The following ZNF268 variants were observed in gnomAD, a reference collection of about 807,000 sequenced individuals.
ZNF268 encodes zinc finger protein 268, also known as zinc finger protein 3.
In ZNF268, 20 loss-of-function variants were observed where a neutral mutation model predicts 29.3. That is an observed-to-expected ratio of 0.68 (90% CI 0.48 to 0.99). ZNF268 has a LOEUF of 0.99. ZNF268 is among the 50% of genes least tolerant of loss of function. The pLI, the probability that ZNF268 is intolerant of heterozygous loss-of-function variation, is 0.00. For missense variants in ZNF268, 1,240 were observed against 1,121.6 expected (o/e 1.11, Z -1.51); for synonymous variants, 429 against 376.9 (o/e 1.14, Z -1.60).
intron 3 of ZNF268, among the ~76,000 whole-genome samples, chr12:133,190,882 A>G (rs1234843972): frequency 1.3e-5 from 2 of 151,900 alleles, no homozygotes; most frequent in African/African-American, 4.8e-5. Flanking sequence ...ATTTATGTTT[A>G]TATTCCTGGA....
rs1555305667 is a variant in ZNF268, at chr12:133,212,518, T to TAGAC, written c.*7989_*7990insGACA. The TAGAC allele has an allele frequency of 3.0e-4, 42 of 138,144 alleles. 1 individual carries two copies. The highest frequency in any genetic ancestry group is 5.3e-4 in the Non-Finnish European group (34 of 64,402). The allele number at this position is 138,144 out of a possible 1,614,324, so 8.6% of individuals were successfully genotyped here. A position where few individuals can be genotyped will look rare whatever the true frequency, so the allele number is the denominator to read the frequency against. On this transcript the variant is annotated 3_prime_UTR_variant, in exon 6 of 6. Transcript: ENST00000536435. ...ATATATGTATATATACACACACACA[T>TAGAC]ACACACATATATACACATATATATA...
rs1367494988 is a variant in ZNF268, at chr12:133,210,712, C to A, written c.*6182C>A. 2.5e-6 allele frequency: 1 copy of A among 400,392 alleles called. No homozygotes were observed. The highest frequency in any genetic ancestry group is 5.1e-6 in the Non-Finnish European group (1 of 196,112). The allele number at this position is 400,392 out of a possible 1,614,324, so 24.8% of individuals were successfully genotyped here. On this transcript the variant is annotated 3_prime_UTR_variant, in exon 6 of 6. Coordinates refer to ENST00000536435, the MANE Select transcript of ZNF268 (RefSeq NM_003415.3). ...CTGTGGATTCCCCCCTGCCAAGGGT[C>A]CCCAGGTCAGTCCTGAGGAGAAGGC... is the stretch of plus-strand genomic sequence containing the variant.
At chr12:133,188,150 C>G in intron 3 of ZNF268, 78 bp downstream of exon 3, 6 of 1,325,978 alleles carry the variant, frequency 4.5e-6, no homozygotes, top group Non-Finnish European at 6.2e-6. Context: ...GATGGAGATC[C>G]TTAGGTCAGA....
intron 2 of ZNF268, among the ~76,000 whole-genome samples, chr12:133,186,324 T>G (rs1008197274): frequency 1.3e-5 from 2 of 152,090 alleles, no homozygotes; most frequent in African/African-American, 4.8e-5. Flanking sequence ...GCGGGTAGAC[T>G]GTGCCCAGTG....
intron 2 of ZNF268, among the ~76,000 whole-genome samples, chr12:133,185,224 T>C (rs1170262600): frequency 6.6e-6 from 1 of 151,608 alleles, no homozygotes; most frequent in Non-Finnish European, 1.5e-5. Context: ...GTGGCTACTT[T>C]AGCTTGGGTG....
chr12:133,192,239 C>T (rs1956494331), intron 5 of ZNF268, among the ~76,000 whole-genome samples: 1 of 151,636 alleles, frequency 6.6e-6, no homozygotes. Flanking sequence ...TCCTGAGTAG[C>T]TGGGGTTACA....
At position 133,204,133 on chromosome 12, in the gene ZNF268, C is replaced by T. The variant is rs779235314; in HGVS notation, c.2447C>T (p.Ala816Val). 1.3e-6 allele frequency: 2 copies of T among 1,543,942 alleles called. No individual in the cohort carries two copies. Among genetic ancestry groups the T allele is most frequent in the Middle Eastern group, 1.7e-4 (1 of 5,994 alleles). Residue 816 changes from alanine to valine, a missense_variant, in exon 6 of 6, where the codon GCC becomes GTC. By Grantham distance (64) the Ala-to-Val change is moderately conservative. This residue lies in a region of ZNF268 where 1,177 missense variants were observed against 1,039.6 expected (regional missense o/e 1.13). Coordinates refer to ENST00000536435, the MANE Select transcript of ZNF268 (RefSeq NM_003415.3). ...TATGAATGTAATGAATGTGGGAAAG[C>T]CTTCATTTGGAAATCACTACTCATT... ...KPYECNECGK[A>V]FIWKSLLIVH...
In ZNF268 at chr12:133,187,884, C is replaced by T; in HGVS notation, c.46C>T (p.Gln16Ter). Residue 16 changes from glutamine to a stop codon, truncating the protein, a stop_gained, in exon 3 of 6, where the codon CAA becomes TAA. Transcript: ENST00000536435. LOFTEE classifies it high-confidence loss of function. ...CTTGAGTCCACAGGTCCCACCTCTC[C>T]AAGAACGAAACAGTTCATGGGATAG... ...RTASIWVPPL[Q>*]ERNSSWDRIR... is the part of the protein sequence containing the mutation. 6.3e-7 allele frequency: 1 copy of T among 1,594,300 alleles called. No homozygotes were observed. Among genetic ancestry groups the T allele is most frequent in the Non-Finnish European group, 8.5e-7 (1 of 1,170,032 alleles).
At chr12:133,187,842 G>C in intron 2 of ZNF268, 30 bp from the exon 3 acceptor site, 1 of 1,555,990 alleles carries the variant, frequency 6.4e-7, no homozygotes, top group Non-Finnish European at 8.7e-7. Context: ...AATAATGCTC[G>C]CTAAAGTAAA....
In ZNF268 at chr12:133,202,757, G is replaced by C. The variant is rs1956786612; in HGVS notation, c.1071G>C (p.Glu357Asp). 2 of 1,611,444 alleles carry C rather than the reference G, an allele frequency of 1.2e-6. No individual in the cohort carries two copies. The highest frequency in any genetic ancestry group is 4.5e-5 in the East Asian group (2 of 44,854). Residue 357 changes from glutamate to aspartate, a missense_variant, in exon 6 of 6, where the codon GAG (glutamate) becomes GAC (aspartate). This residue lies in a region of ZNF268 where 1,177 missense variants were observed against 1,039.6 expected (regional missense o/e 1.13). Transcript: ENST00000536435. ...TACATCAGAGAATTCACACAGGTGAGAATCCCTATGAGTGCTGTGAATGTG... is the reference window on the plus strand; with the variant it reads ...TACATCAGAGAATTCACACAGGTGACAATCCCTATGAGTGCTGTGAATGTG... ...LVIHQRIHTGENPYECCECGK... is the reference protein window; with the variant it reads ...LVIHQRIHTGDNPYECCECGK...
rs1956907608 is a variant in ZNF268, at chr12:133,206,879, G to A, written c.*2349G>A. On this transcript the variant is annotated 3_prime_UTR_variant, in exon 6 of 6. Transcript: ENST00000536435. ...TACTGTAAAGGTGTATATTATTATT[G>A]ATGTACCAAAGAAGACAGAATAAAT... is the stretch of plus-strand genomic sequence containing the variant. 1 of 152,262 alleles carries A rather than the reference G, an allele frequency of 6.6e-6. No homozygotes were observed. Among genetic ancestry groups the A allele is most frequent in the Admixed American group, 6.5e-5 (1 of 15,302 alleles). The allele number at this position is 152,262 out of a possible 1,614,324, so 9.4% of individuals were successfully genotyped here.
chr12:133,184,570 C>T (rs1330738918), intron 2 of ZNF268: 4 of 284,744 alleles, frequency 1.4e-5, no homozygotes, highest in South Asian at 6.0e-5. Flanking sequence ...GAAGGAGAGC[C>T]GTCATGACTT....
intron 4 of ZNF268, 68 bp from the exon 5 acceptor site, chr12:133,191,840 C>G: frequency 1.9e-6 from 3 of 1,575,398 alleles, no homozygotes; most frequent in Non-Finnish European, 2.6e-6. Flanking sequence ...CCAAATCTTT[C>G]CCGTTCTTCA....
intron 5 of ZNF268, among the ~76,000 whole-genome samples, chr12:133,197,381 G>T (rs1359601551): frequency 1.3e-5 from 2 of 150,742 alleles, no homozygotes; most frequent in African/African-American, 4.9e-5. Flanking sequence ...CATTTTTTAT[G>T]GCTGCATAGT....
chr12:133,183,225 A>C (rs1956222205), intron 2 of ZNF268, among the ~76,000 whole-genome samples: 1 of 152,158 alleles, frequency 6.6e-6, no homozygotes, highest in African/African-American at 2.4e-5. Flanking sequence ...GACTGTTGGT[A>C]TAGGGGAAGG....
rs1343948566 is a variant in ZNF268, at chr12:133,205,175, C to CAAAAAAAAAAAAAAA, written c.*647_*648insAAAAAAAAAAAAAAA. The CAAAAAAAAAAAAAAA allele has an allele frequency of 3.7e-4, 8 of 21,786 alleles. No individual in the cohort carries two copies. The highest frequency in any genetic ancestry group is 2.0e-3 in the South Asian group (1 of 488). 1.3% of individuals were successfully genotyped at this position (21,786 alleles called of 1,614,324 possible). ...AAAAAAAAAAAAAAAAAAAAAAAAC[C>CAAAAAAAAAAAAAAA]AACCTGTTATTATATCTTAATATTA... On this transcript the variant is annotated 3_prime_UTR_variant, in exon 6 of 6. Transcript: ENST00000536435.
At position 133,203,958 on chromosome 12, in the gene ZNF268, G is replaced by C. The variant is rs907501079; in HGVS notation, c.2272G>C (p.Gly758Arg). The change falls in exon 6 of 6, where the codon GGG becomes CGG. Residue 758 changes from glycine to arginine, a missense_variant. By Grantham distance (125) the Gly-to-Arg change is moderately radical. Coordinates refer to ENST00000536435, the MANE Select transcript of ZNF268 (RefSeq NM_003415.3). ...GENPYECSEC[G>R]KAFNRKDQLI... ...AAATCCCTATGAATGCAGTGAATGT[G>C]GGAAAGCCTTTAATAGGAAAGACCA... 1 of 1,594,082 alleles carries C rather than the reference G, an allele frequency of 6.3e-7. No individual in the cohort carries two copies. Among genetic ancestry groups the C allele is most frequent in the African/African-American group, 1.3e-5 (1 of 74,306 alleles).
rs182954505 is a variant in ZNF268, at chr12:133,204,860, G to A, written c.*330G>A. ...TTACTAAAATAAGATTCACAAAGAG[G>A]AAACTTCATGAACCAGATGAATATA... On this transcript the variant is annotated 3_prime_UTR_variant, in exon 6 of 6. Transcript: ENST00000536435. The A allele has an allele frequency of 1.7e-4, 35 of 207,260 alleles. No homozygotes were observed. The highest frequency in any genetic ancestry group is 6.2e-4 in the African/African-American group (27 of 43,520). 12.8% of individuals were successfully genotyped at this position (207,260 alleles called of 1,614,324 possible). A position where few individuals can be genotyped will look rare whatever the true frequency, so the allele number is the denominator to read the frequency against.
rs1956921540 is a variant in ZNF268 at position 133,207,494 on chromosome 12, T to G, written c.*2964T>G. 1 of 152,244 alleles carries G rather than the reference T, an allele frequency of 6.6e-6. No homozygotes were observed. Among genetic ancestry groups the G allele is most frequent in the Non-Finnish European group, 1.5e-5 (1 of 68,050 alleles). The allele number at this position is 152,244 out of a possible 1,614,324, so 9.4% of individuals were successfully genotyped here. ...CCAGCAGAATCACTATTATTTATAA[T>G]GGCAGTATGCCCACTTAAAAAGAGA... is the stretch of plus-strand genomic sequence containing the variant. On this transcript the variant is annotated 3_prime_UTR_variant, in exon 6 of 6. Transcript: ENST00000536435.
Sources: allele counts gnomAD v4.1 joint callset (sites outside exome capture counted in the v4.1 genomes callset), GRCh38; gene constraint gnomAD v4.1.1; regional missense constraint gnomAD v4.1.1; transcripts MANE v1.5; gene names NCBI Gene and HGNC (gene_info 2026-07-23, HGNC 2026-07-21).